YTHDC1: variants seen among roughly 807,000 people sequenced by gnomAD.
YTHDC1 encodes the protein YTH N6-methyladenosine RNA binding protein C1.
In YTHDC1, 12 loss-of-function variants were observed where a neutral mutation model predicts 107.0. That is an observed-to-expected ratio of 0.11 (90% confidence interval 0.07 to 0.18). The LOEUF (loss-of-function observed/expected upper bound fraction) is 0.18, where lower values mean the gene tolerates loss of function less well. Ranked by LOEUF, YTHDC1 falls within the 10% of genes least tolerant of loss-of-function variation. YTHDC1 has a pLI of 1.00. For missense variants in YTHDC1, 635 were observed against 898.8 expected (o/e 0.71, Z 3.75); for synonymous variants, 280 against 289.5 (o/e 0.97, Z 0.33).
At chr4:68,344,241 A>T (rs1273590599) in intron 1 of YTHDC1, among the ~76,000 whole-genome samples, 1 of 152,132 alleles carries the variant, frequency 6.6e-6, no homozygotes, top group African/African-American at 2.4e-5. Flanking sequence ...ATGATACCTA[A>T]CGTATTAAGC....
chr4:68,337,917 A>C lies in YTHDC1; in HGVS notation c.131-17T>G. 1.6e-5 allele frequency: 4 copies of C among 256,768 alleles called. No homozygotes were observed. The highest frequency in any genetic ancestry group is 2.7e-4 in the East Asian group (2 of 7,380). 15.9% of individuals were successfully genotyped at this position (256,768 alleles called of 1,614,324 possible). On this transcript the variant is annotated splice_polypyrimidine_tract_variant and intron_variant, in intron 2 of 16. Transcript: ENST00000344157. ...TTTTTGATCCTTTAAAATACAATGTAAAAAAAAAAAAAAGAAGTATTTGTA... is the reference window on the plus strand; with the variant it reads ...TTTTTGATCCTTTAAAATACAATGTCAAAAAAAAAAAAAGAAGTATTTGTA...
chr4:68,324,294 T>TA, intron 9 of YTHDC1, 71 bp from the exon 10 acceptor site: 11 of 1,340,336 alleles, frequency 8.2e-6, no homozygotes, highest in Non-Finnish European at 1.1e-5. Context: ...CTTTTAGTAG[T>TA]GAATTCCTGT....
intron 5 of YTHDC1, 133 bp from the exon 6 acceptor site, chr4:68,332,980 A>G: frequency 1.3e-6 from 1 of 745,306 alleles, no homozygotes; most frequent in Non-Finnish European, 2.2e-6. Context: ...ACACAAAAAA[A>G]ACTTCTCAAT....
chr4:68,313,783 C>CA lies in YTHDC1; in HGVS notation c.*315dup, dbSNP rs1560466568. On this transcript the variant is annotated 3_prime_UTR_variant, in exon 17 of 17. Coordinates refer to ENST00000344157, the MANE Select transcript of YTHDC1 (RefSeq NM_001031732.4). The stretch of plus-strand genomic sequence containing the variant: ...AAGATCCAAAAAGGAAAAAAACAAA[C>CA]AAAAAAATAACTCTAGGATGAACAC... The CA allele has an allele frequency of 1.8e-5, 5 of 283,572 alleles. No homozygotes were observed. The highest frequency in any genetic ancestry group is 4.7e-5 in the Admixed American group (1 of 21,250). The allele number at this position is 283,572 out of a possible 1,614,324, so 17.6% of individuals were successfully genotyped here. A position where few individuals can be genotyped will look rare whatever the true frequency, so the allele number is the denominator to read the frequency against.
chr4:68,339,834 A>G (rs1174324511), intron 1 of YTHDC1, among the ~76,000 whole-genome samples: 1 of 152,210 alleles, frequency 6.6e-6, no homozygotes, highest in Non-Finnish European at 1.5e-5. Flanking sequence ...TGTTCAGAGA[A>G]GGGAACTATG....
chr4:68,316,832 G>C (rs948268699), intron 15 of YTHDC1, among the ~76,000 whole-genome samples: 1 of 152,146 alleles, frequency 6.6e-6, no homozygotes, highest in African/African-American at 2.4e-5. Context: ...TAAGTAACCT[G>C]CTTATAGTCA....
rs1163599087 is a variant in YTHDC1, at chr4:68,337,657, G to A, written c.374C>T (p.Pro125Leu). 1 of 1,614,060 alleles carries A rather than the reference G, an allele frequency of 6.2e-7. No individual in the cohort carries two copies. The highest frequency in any genetic ancestry group is 1.7e-5 in the Admixed American group (1 of 59,996). The change falls in exon 3 of 17, where the codon CCT becomes CTT. Residue 125 changes from proline to leucine, a missense_variant. Transcript: ENST00000344157. ...GGTTTTTTCAGGTTGATTCTTATAA[G>A]GTTCTCTGGAGGCACTACTTGATAG... ...IRLSSSASRE[P>L]YKNQPEKTCV... is the part of the protein sequence containing the mutation.
chr4:68,349,705 G>T (rs987263081), intron 1 of YTHDC1, 21 bp downstream of exon 1: 4 of 1,595,918 alleles, frequency 2.5e-6, no homozygotes, highest in Non-Finnish European at 3.4e-6. Context: ...GCCTCGGCCC[G>T]TCATCTTTCT....
intron 7 of YTHDC1, among the ~76,000 whole-genome samples, chr4:68,331,705 T>C (rs1335785370): frequency 6.6e-6 from 1 of 152,034 alleles, no homozygotes; most frequent in Non-Finnish European, 1.5e-5. Context: ...AAAAGAATGA[T>C]TTCAAAAGAA....
intron 11 of YTHDC1, among the ~76,000 whole-genome samples, chr4:68,321,323 A>G (rs1722425710): frequency 6.6e-6 from 1 of 152,188 alleles, no homozygotes; most frequent in South Asian, 2.1e-4. Flanking sequence ...TTGCATCTAC[A>G]ATAAATAATA....
intron 4 of YTHDC1, among the ~76,000 whole-genome samples, chr4:68,335,234 G>C (rs1351592175): frequency 1.3e-5 from 2 of 151,762 alleles, no homozygotes; most frequent in African/African-American, 2.4e-5. Context: ...AAAAACTGAC[G>C]TCTCTTAATC....
rs200803532 is a variant in YTHDC1 at position 68,349,685 on chromosome 4, C to A, written c.28+41G>T. The A allele has an allele frequency of 1.4e-3, 2,022 of 1,429,008 alleles. 9 individuals are homozygous for A. The Middle Eastern group carries it at 0.025, about 18-fold the overall frequency. 88.5% of individuals were successfully genotyped at this position (1,429,008 alleles called of 1,614,324 possible). ...ACTGCTCCATCACCCCACTCCCGGG[C>A]CCCAGCCTCGCCTCGGCCCGTCATC... On this transcript the variant is annotated intron_variant, in intron 1 of 16. Coordinates refer to ENST00000344157, the MANE Select transcript of YTHDC1 (RefSeq NM_001031732.4).
intron 16 of YTHDC1, 107 bp downstream of exon 16, chr4:68,316,207 A>T: frequency 7.9e-7 from 1 of 1,260,182 alleles, no homozygotes; most frequent in Non-Finnish European, 1.1e-6. Flanking sequence ...GTCTGCAGTA[A>T]GAATATGCAA....
At chr4:68,321,186 C>G (rs550105366) in intron 11 of YTHDC1, among the ~76,000 whole-genome samples, 176 of 152,178 alleles carry the variant, frequency 1.2e-3, no homozygotes, top group African/African-American at 4.0e-3. Flanking sequence ...TGATAACAAC[C>G]TAGCATTCAC....
chr4:68,349,601 G>A (rs1725853151), intron 1 of YTHDC1, 125 bp downstream of exon 1: 5 of 1,272,160 alleles, frequency 3.9e-6, no homozygotes, highest in Admixed American at 4.2e-5. Flanking sequence ...GGGGGCCACC[G>A]GCTCCTCGCG....
chr4:68,346,128 T>C (rs1301318085), intron 1 of YTHDC1, among the ~76,000 whole-genome samples: 2 of 148,864 alleles, frequency 1.3e-5, no homozygotes, highest in Admixed American at 6.6e-5. Flanking sequence ...TAACCGTCTG[T>C]ATAACGGCTG....
chr4:68,343,347 C>T (rs1004685443), intron 1 of YTHDC1, among the ~76,000 whole-genome samples: 1 of 150,132 alleles, frequency 6.7e-6, no homozygotes, highest in Admixed American at 6.6e-5. Context: ...TACAGAGGCC[C>T]GCCACACCAT....
At chr4:68,321,018 G>A (rs1578025394) in intron 11 of YTHDC1, among the ~76,000 whole-genome samples, 1 of 151,836 alleles carries the variant, frequency 6.6e-6, no homozygotes, top group Non-Finnish European at 1.5e-5. Context: ...TGACTACAGA[G>A]GGCTGTTCTT....
At chr4:68,332,773 A>G in intron 6 of YTHDC1, 21 bp downstream of exon 6, 2 of 1,610,332 alleles carry the variant, frequency 1.2e-6, no homozygotes, top group Non-Finnish European at 1.7e-6. Context: ...CAATGAAAAC[A>G]ATTTCAAATT....
Sources: gnomAD v4.1 joint callset for allele counts (sites outside exome capture counted in the v4.1 genomes callset) on GRCh38, gnomAD v4.1.1 for gene constraint, MANE v1.5 for transcripts, NCBI Gene and HGNC (gene_info 2026-07-23, HGNC 2026-07-21) for gene names.